SLFN5: variants seen among roughly 807,000 people sequenced by gnomAD.
SLFN5 encodes schlafen family member 5.
Under a neutral mutation model 48.5 loss-of-function variants are expected in SLFN5, and 34 were observed. The ratio of observed to expected loss-of-function variants is 0.70; its 90% CI spans 0.53 to 0.93. The LOEUF (loss-of-function observed/expected upper bound fraction) is 0.93. SLFN5 is among the 40% of genes least tolerant of loss of function. The pLI is 0.00. For missense variants in SLFN5, 1,006 were observed against 1,071.3 expected, an observed-to-expected ratio of 0.94 and a Z score of 0.85; for synonymous variants, 387 against 396.2, an observed-to-expected ratio of 0.98 and a Z score of 0.28.
At chr17:35,251,071 G>A (rs969261474) in intron 1 of SLFN5, among the ~76,000 whole-genome samples, 18 of 152,164 alleles carry the variant, frequency 1.2e-4, no homozygotes, top group African/African-American at 4.1e-4. Flanking sequence ...TCCTTTGAAA[G>A]TCCAAACATA....
rs1459430533 is a variant in SLFN5, at chr17:35,271,354, G to C, written c.*5466G>C. 1 of 151,984 alleles carries C rather than the reference G, an allele frequency of 6.6e-6. No individual in the cohort carries two copies. The highest frequency in any genetic ancestry group is 2.4e-5 in the African/African-American group (1 of 41,364). The allele number at this position is 151,984 out of a possible 1,614,324, so 9.4% of individuals were successfully genotyped here. A position where few individuals can be genotyped will look rare whatever the true frequency, so the allele number is the denominator to read the frequency against. On this transcript the variant is annotated 3_prime_UTR_variant, in exon 5 of 5. Transcript: ENST00000299977. ...AAAAATGAATTGAGAAGAAAGTAGT[G>C]GTTTTAAGAAGGAAAGGAGAACAAA...
In SLFN5 at chr17:35,265,163, G is replaced by A. The variant is rs763681518; in HGVS notation, c.1951G>A (p.Ala651Thr). Reference protein sequence around the residue: ...EHIQHIIIDDAQNFRTEDGDW... With the variant: ...EHIQHIIIDDTQNFRTEDGDW... The stretch of plus-strand genomic sequence containing the variant: ...CATCCAGCACATTATCATTGATGAC[G>A]CTCAGAATTTCCGTACTGAAGATGG... The change falls in exon 5 of 5, where the codon GCT becomes ACT. Residue 651 changes from alanine (A) to threonine (T), a missense_variant. Coordinates refer to ENST00000299977, the MANE Select transcript of SLFN5 (RefSeq NM_144975.4). 5.6e-6 allele frequency: 9 copies of A among 1,614,136 alleles called. No homozygotes were observed. The highest frequency in any genetic ancestry group is 5.9e-6 in the Non-Finnish European group (7 of 1,180,016).
Position 35,259,247 on chromosome 17 carries a change from A to G in SLFN5, c.557A>G (p.Lys186Arg), listed in dbSNP as rs751884807. The G allele has an allele frequency of 1.5e-5, 24 of 1,613,952 alleles. No individual in the cohort carries two copies. In the East Asian group the frequency reaches 5.1e-4, roughly 34 times the overall value. The change falls in exon 2 of 5, where the codon AAA becomes AGA. Residue 186 changes from lysine to arginine, a missense_variant. Physicochemically the swap from Lys to Arg is conservative, Grantham distance 26. Transcript: ENST00000299977. The stretch of plus-strand genomic sequence containing the variant: ...AGAAAGCGGCTTCAGTATCTGGAAA[A>G]ACTCAACCTTCCTGAGTCCACACAT... ...FDRKRLQYLE[K>R]LNLPESTHVE... is the part of the protein sequence containing the mutation.
At chr17:35,258,557 G>A in intron 1 of SLFN5, 94 bp from the exon 2 acceptor site, 3 of 1,036,506 alleles carry the variant, frequency 2.9e-6, no homozygotes, top group Non-Finnish European at 2.7e-6. Context: ...AATAAATGAA[G>A]GGACCAACCT....
chr17:35,254,173 T>C (rs2092449609), intron 1 of SLFN5, among the ~76,000 whole-genome samples: 1 of 152,242 alleles, frequency 6.6e-6, no homozygotes, highest in African/African-American at 2.4e-5. Flanking sequence ...CTACTTTTTA[T>C]TTTAACTTAG....
intron 3 of SLFN5, among the ~76,000 whole-genome samples, chr17:35,261,768 C>T (rs1406007661): frequency 1.3e-5 from 2 of 151,448 alleles, no homozygotes; most frequent in African/African-American, 4.8e-5. Context: ...CTTCACCTCC[C>T]GGGTTCAAGC....
intron 1 of SLFN5, among the ~76,000 whole-genome samples, chr17:35,252,535 A>G (rs916876684): frequency 6.6e-6 from 1 of 152,264 alleles, no homozygotes. Context: ...TCCTCTATAG[A>G]TAATGTGCCT....
At chr17:35,261,245 G>A (rs1318894024) in intron 3 of SLFN5, 149 bp downstream of exon 3, 2 of 859,860 alleles carry the variant, frequency 2.3e-6, no homozygotes, top group Non-Finnish European at 3.3e-6. Flanking sequence ...TTAGTAGAAA[G>A]TGTATATGAA....
chr17:35,255,999 T>A (rs1428505160), intron 1 of SLFN5, among the ~76,000 whole-genome samples: 3 of 152,268 alleles, frequency 2.0e-5, no homozygotes, highest in Non-Finnish European at 4.4e-5. Flanking sequence ...ATAAATGGAA[T>A]CATAATAGAT....
intron 1 of SLFN5, 64 bp from the exon 2 acceptor site, chr17:35,258,587 T>C: frequency 7.1e-7 from 1 of 1,400,210 alleles, no homozygotes. Context: ...GGCCTTAATC[T>C]GTTGGTTTTC....
Position 35,264,222 on chromosome 17 carries a change from A to T in SLFN5, c.1178A>T (p.Tyr393Phe). 6.2e-7 allele frequency: 1 copy of T among 1,613,418 alleles called. No individual in the cohort carries two copies. Among genetic ancestry groups the T allele is most frequent in the South Asian group, 1.1e-5 (1 of 91,026 alleles). Residue 393 changes from tyrosine (Y) to phenylalanine (F), a missense_variant, in exon 4 of 5, where the codon TAC becomes TTC. Tyr to Phe is a conservative substitution (Grantham distance 22, BLOSUM62 3). Coordinates refer to ENST00000299977, the MANE Select transcript of SLFN5 (RefSeq NM_144975.4). ...DRVVYTPESL[Y>F]KELFSQHKGL... The stretch of plus-strand genomic sequence containing the variant: ...GTGGTATATACTCCAGAAAGCCTCT[A>T]CAAGGAACTCTTCTCACAACATAAA...
At position 35,269,211 on chromosome 17, in the gene SLFN5, G is replaced by T. The variant is rs538929014; in HGVS notation, c.*3323G>T. ...ACAAAGGCAGCACATGGGTATTTTT[G>T]AACATAAAAGAGTTCTAGAAATACA... On this transcript the variant is annotated 3_prime_UTR_variant, in exon 5 of 5. Coordinates refer to ENST00000299977, the MANE Select transcript of SLFN5 (RefSeq NM_144975.4). 1.7e-3 allele frequency: 264 copies of T among 152,124 alleles called. No individual in the cohort carries two copies. The highest frequency in any genetic ancestry group is 6.0e-3 in the African/African-American group (247 of 41,498). The allele number at this position is 152,124 out of a possible 1,614,324, so 9.4% of individuals were successfully genotyped here. A position where few individuals can be genotyped will look rare whatever the true frequency, so the allele number is the denominator to read the frequency against.
intron 1 of SLFN5, among the ~76,000 whole-genome samples, chr17:35,243,887 G>A (rs561198224): frequency 4.1e-4 from 62 of 152,314 alleles, no homozygotes; most frequent in Admixed American, 2.7e-3. Flanking sequence ...TGGCCAAAGC[G>A]AGAAGGCAAG....
Position 35,260,500 on chromosome 17 carries a change from A to G in SLFN5, c.1013-471A>G, listed in dbSNP as rs147368778. On this transcript the variant is annotated intron_variant, in intron 2 of 4. Coordinates refer to ENST00000299977, the MANE Select transcript of SLFN5 (RefSeq NM_144975.4). ...AGCACTTTGGGAGGCCGAGGGGGGC[A>G]GATCACCTGAGGTCAGGAGTTTGAG... is the stretch of plus-strand genomic sequence containing the variant. Among the ~76,000 whole-genome samples, 858 of 152,238 alleles carry G rather than the reference A, an allele frequency of 5.6e-3. 7 individuals carry two copies. Among genetic ancestry groups the G allele is most frequent in the African/African-American group, 0.02 (826 of 41,528 alleles).
In SLFN5 at chr17:35,264,437, G is replaced by A; in HGVS notation, c.1393G>A (p.Gly465Ser). The A allele has an allele frequency of 6.2e-7, 1 of 1,614,140 alleles. No homozygotes were observed. Among genetic ancestry groups the A allele is most frequent in the Non-Finnish European group, 8.5e-7 (1 of 1,180,036 alleles). Residue 465 changes from glycine to serine, a missense_variant, in exon 4 of 5, where the codon GGC (glycine) becomes AGC (serine). Gly to Ser is a moderately conservative substitution (Grantham distance 56, BLOSUM62 0). Transcript: ENST00000299977. ...IFSKWDAGCK[G>S]YSMIVAYSLK... is the part of the protein sequence containing the mutation. The stretch of plus-strand genomic sequence containing the variant: ...CAGCAAGTGGGATGCGGGGTGCAAG[G>A]GCTATTCTATGATAGTTGCCTATTC...
chr17:35,259,445 G>A lies in SLFN5; in HGVS notation c.755G>A (p.Arg252Lys), dbSNP rs1451173294. 6.2e-7 allele frequency: 1 copy of A among 1,614,062 alleles called. No individual in the cohort carries two copies. Among genetic ancestry groups the A allele is most frequent in the Admixed American group, 1.7e-5 (1 of 60,004 alleles). ...GAGAAAATAGACCTTACGAGCTTGA[G>A]GGCTTCTATTGATGGCTGTATTAAG... ...EKEKIDLTSLRASIDGCIKKL... is the reference protein window; with the variant it reads ...EKEKIDLTSLKASIDGCIKKL... Residue 252 changes from arginine to lysine, a missense_variant, in exon 2 of 5, where the codon AGG becomes AAG. By Grantham distance (26) the Arg-to-Lys change is conservative. Transcript: ENST00000299977.
chr17:35,244,273 G>A lies in SLFN5; in HGVS notation c.-41+1130G>A, dbSNP rs374345200. ...TGGTTTCATCACTAAAAATGTTGGGGTGCTGAAATCTTGAGGGGCTCGGTT... is the reference window on the plus strand; with the variant it reads ...TGGTTTCATCACTAAAAATGTTGGGATGCTGAAATCTTGAGGGGCTCGGTT... On this transcript the variant is annotated intron_variant, in intron 1 of 4. Coordinates refer to ENST00000299977, the MANE Select transcript of SLFN5 (RefSeq NM_144975.4). 8.5e-4 allele frequency among the ~76,000 whole-genome samples: 130 copies of A among 152,274 alleles called. 1 individual carries two copies. In the South Asian group the frequency reaches 0.017, roughly 20 times the overall value.
rs745568286 is a variant in SLFN5 at position 35,258,808 on chromosome 17, A to C, written c.118A>C (p.Asn40His). The change falls in exon 2 of 5, where the codon AAT becomes CAT. Residue 40 changes from asparagine (N) to histidine (H), a missense_variant. Physicochemically the swap from Asn to His is moderately conservative, Grantham distance 68 (BLOSUM62 1). Transcript: ENST00000299977. The part of the protein sequence containing the change: ...EMDPRLREKQ[N>H]EIILRAVCAL... Reference sequence around the variant, plus strand: ...GGACCCTCGCCTGCGGGAGAAACAGAATGAAATCATCCTGCGAGCAGTATG... The same window carrying C: ...GGACCCTCGCCTGCGGGAGAAACAGCATGAAATCATCCTGCGAGCAGTATG... The C allele has an allele frequency of 3.8e-5, 61 of 1,614,078 alleles. No individual in the cohort carries two copies. The highest frequency in any genetic ancestry group is 5.2e-5 in the Non-Finnish European group (61 of 1,180,046).
At chr17:35,263,183 T>G (rs949767283) in intron 3 of SLFN5, among the ~76,000 whole-genome samples, 1 of 152,036 alleles carries the variant, frequency 6.6e-6, no homozygotes, top group Non-Finnish European at 1.5e-5. Context: ...CAGGCTGGAG[T>G]GCAGTGGTGT....
Sources: allele counts gnomAD v4.1 joint callset (sites outside exome capture counted in the v4.1 genomes callset), GRCh38; gene constraint gnomAD v4.1.1; transcripts MANE v1.5; gene names NCBI Gene and HGNC (gene_info 2026-07-23, HGNC 2026-07-21).